Variants in SLC35F6 observed in about 807,000 individuals in gnomAD.
SLC35F6 encodes the protein solute carrier family 35 member F6.
Under a neutral mutation model 29.4 loss-of-function variants are expected in SLC35F6, and 26 were observed. That is an observed-to-expected ratio of 0.89 (90% CI 0.65 to 1.23). The LOEUF (loss-of-function observed/expected upper bound fraction) is 1.23. Among genes scored for constraint, SLC35F6 ranks in the 50% most tolerant of loss-of-function variants. The pLI is 0.00. For synonymous variants in SLC35F6, 174 were observed against 206.6 expected (o/e 0.84, Z 1.35); for missense variants, 428 against 487.8 (o/e 0.88, Z 1.15).
rs1008959379 is a variant in SLC35F6, at chr2:26,779,598, G to A, written c.*1087G>A. Reference sequence around the variant, plus strand: ...CGCTGGAGTGCAGTGGTGTGATCTCGGCTCACTGCAACCTCCCGCTCCCAG... The same window carrying A: ...CGCTGGAGTGCAGTGGTGTGATCTCAGCTCACTGCAACCTCCCGCTCCCAG... On this transcript the variant is annotated 3_prime_UTR_variant, in exon 6 of 6. Coordinates refer to ENST00000344420, the MANE Select transcript of SLC35F6 (RefSeq NM_017877.4). 4.0e-5 allele frequency: 6 copies of A among 151,378 alleles called. No individual in the cohort carries two copies. The highest frequency in any genetic ancestry group is 1.2e-4 in the African/African-American group (5 of 41,102). 9.4% of individuals were successfully genotyped at this position (151,378 alleles called of 1,614,324 possible).
chr2:26,775,319 T>G lies in SLC35F6; in HGVS notation c.322+104T>G. ...ACCCACCTCCACTTCATCCCACCAT[T>G]CCCCCAGACTTCACACGCACAGGCA... On this transcript the variant is annotated intron_variant, in intron 3 of 5. Coordinates refer to ENST00000344420, the MANE Select transcript of SLC35F6 (RefSeq NM_017877.4). This position sits in a 1 kb window ranked among gnomAD's most constrained non-coding sequence, Gnocchi z 4.6. The G allele has an allele frequency of 1.3e-6, 2 of 1,527,374 alleles. No homozygotes were observed. The highest frequency in any genetic ancestry group is 2.5e-5 in the South Asian group (2 of 78,952). The allele number at this position is 1,527,374 out of a possible 1,614,324, so 94.6% of individuals were successfully genotyped here.
intron 1 of SLC35F6, among the ~76,000 whole-genome samples, chr2:26,770,784 A>G (rs1418851315): frequency 1.3e-5 from 2 of 152,194 alleles, no homozygotes; most frequent in Non-Finnish European, 2.9e-5. Context: ...CTGACAGCAA[A>G]GTGCTGCCCA....
Position 26,766,022 on chromosome 2 carries a change from C to T in SLC35F6, c.77+1596C>T, listed in dbSNP as rs921786238. The stretch of plus-strand genomic sequence containing the variant: ...CCTCCTTCCTTAGAAAACTCCAAAC[C>T]AGTCAGGTAGGAAGCTTAGAGATCC... On this transcript the variant is annotated intron_variant, in intron 1 of 5. Transcript: ENST00000344420. Among the ~76,000 whole-genome samples, 143 of 152,328 alleles carry T rather than the reference C, an allele frequency of 9.4e-4. 2 individuals carry two copies. The highest frequency in any genetic ancestry group is 1.3e-3 in the East Asian group (7 of 5,190).
chr2:26,774,207 G>A, intron 1 of SLC35F6, 44 bp from the exon 2 acceptor site: 2 of 1,609,636 alleles, frequency 1.2e-6, no homozygotes, highest in Non-Finnish European at 1.7e-6. Flanking sequence ...CTAGCACCAG[G>A]GTAGGATGCT....
At position 26,775,685 on chromosome 2, in the gene SLC35F6, A is replaced by T; in HGVS notation, c.535+9A>T. The T allele has an allele frequency of 6.4e-7, 1 of 1,558,584 alleles. No homozygotes were observed. The highest frequency in any genetic ancestry group is 1.2e-5 in the South Asian group (1 of 85,210). On this transcript the variant is annotated intron_variant, in intron 4 of 5. Transcript: ENST00000344420. The surrounding 1 kb of genome is among the most constrained non-coding windows in gnomAD (Gnocchi z 4.6). ...CAGCGAAGTGATCACAGGTGCGGCC[A>T]GGGGCAGGGACACGGGGCTGCCCTA...
chr2:26,773,503 GAAAA>G (rs70953813), intron 1 of SLC35F6, among the ~76,000 whole-genome samples: 1 of 106,976 alleles, frequency 9.3e-6, no homozygotes, highest in Non-Finnish European at 2.0e-5. Flanking sequence ...ACTCCATTAA[GAAAA>G]AAAAAAAAAA....
rs954070070 is a variant in SLC35F6, at chr2:26,765,124, C to T, written c.77+698C>T. 4 of 519,078 alleles carry T rather than the reference C, an allele frequency of 7.7e-6. No individual in the cohort carries two copies. In the African/African-American group the frequency reaches 8.3e-5, roughly 11 times the overall value. 32.2% of individuals were successfully genotyped at this position (519,078 alleles called of 1,614,324 possible). Reference sequence around the variant, plus strand: ...AGGAAAAACCACTCCAAGGCTGCTGCATAGCAGATGAGGGGAACTAGGAGG... The same window carrying T: ...AGGAAAAACCACTCCAAGGCTGCTGTATAGCAGATGAGGGGAACTAGGAGG... On this transcript the variant is annotated intron_variant, in intron 1 of 5. Coordinates refer to ENST00000344420, the MANE Select transcript of SLC35F6 (RefSeq NM_017877.4).
intron 2 of SLC35F6, among the ~76,000 whole-genome samples, chr2:26,774,666 G>A (rs184346549): frequency 1.3e-5 from 2 of 152,356 alleles, no homozygotes; most frequent in Admixed American, 1.3e-4. Flanking sequence ...GGAAGACACT[G>A]TTCGTTGAAC....
At position 26,775,008 on chromosome 2, in the gene SLC35F6, T is replaced by G; in HGVS notation, c.151-36T>G. ...GTTAAAGATGATCCCCGAGATCCCT[T>G]CCAGCTCTGAAGTCCTCGGGTTTTC... On this transcript the variant is annotated intron_variant, in intron 2 of 5. Transcript: ENST00000344420. The surrounding 1 kb of genome is among the most constrained non-coding windows in gnomAD (Gnocchi z 4.6). The G allele has an allele frequency of 6.3e-7, 1 of 1,581,286 alleles. No homozygotes were observed. The highest frequency in any genetic ancestry group is 8.6e-7 in the Non-Finnish European group (1 of 1,162,502).
Position 26,776,374 on chromosome 2 carries a change from G to A in SLC35F6, c.538G>A (p.Asp180Asn). ...TCTGGGTCCCTCCTTCCCCACAGGGGACCTGTTGATCATCATGGCCCAGAT... is the reference window on the plus strand; with the variant it reads ...TCTGGGTCCCTCCTTCCCCACAGGGAACCTGTTGATCATCATGGCCCAGAT... ...QHKLSEVITG[D>N]LLIIMAQIIV... The change falls in exon 5 of 6, where the codon GAC becomes AAC. Residue 180 changes from aspartate (D) to asparagine (N), a missense_variant and splice_region_variant. Physicochemically the swap from Asp to Asn is conservative, Grantham distance 23 (BLOSUM62 1). Coordinates refer to ENST00000344420, the MANE Select transcript of SLC35F6 (RefSeq NM_017877.4). 6.2e-7 allele frequency: 1 copy of A among 1,614,200 alleles called. No homozygotes were observed. The highest frequency in any genetic ancestry group is 8.5e-7 in the Non-Finnish European group (1 of 1,180,012).
chr2:26,764,688 T>C, intron 1 of SLC35F6: 6 of 681,212 alleles, frequency 8.8e-6, no homozygotes, highest in Non-Finnish European at 1.1e-5. Context: ...AACAGGAGGG[T>C]TGGCCGATTC....
rs575425178 is a variant in SLC35F6, at chr2:26,772,067, C to T, written c.78-2184C>T. 1.6e-4 allele frequency among the ~76,000 whole-genome samples: 24 copies of T among 152,352 alleles called. No homozygotes were observed. In the Middle Eastern group the frequency reaches 0.01, roughly 65 times the overall value. ...GAACCACAAGGAATCTTAACTACCCCTCTTTCTCCACATCTCCAGGAGCTG... is the reference window on the plus strand; with the variant it reads ...GAACCACAAGGAATCTTAACTACCCTTCTTTCTCCACATCTCCAGGAGCTG... On this transcript the variant is annotated intron_variant, in intron 1 of 5. Coordinates refer to ENST00000344420, the MANE Select transcript of SLC35F6 (RefSeq NM_017877.4).
At chr2:26,765,080 A>G (rs1209933671) in intron 1 of SLC35F6, 1 of 921,988 alleles carries the variant, frequency 1.1e-6, no homozygotes, top group Admixed American at 6.2e-5. Context: ...ACTCAATGAC[A>G]TGAGGAGTGG....
At chr2:26,772,015 A>G (rs1026487353) in intron 1 of SLC35F6, among the ~76,000 whole-genome samples, 2 of 151,756 alleles carry the variant, frequency 1.3e-5, no homozygotes, top group African/African-American at 4.8e-5. Context: ...TCTCCCTTCA[A>G]CTCTCCTTTG....
In SLC35F6 at chr2:26,778,921, C is replaced by T. The variant is rs112024298; in HGVS notation, c.*410C>T. On this transcript the variant is annotated 3_prime_UTR_variant, in exon 6 of 6. Coordinates refer to ENST00000344420, the MANE Select transcript of SLC35F6 (RefSeq NM_017877.4). The stretch of plus-strand genomic sequence containing the variant: ...GAAAAGTCAGTGAGCAAATTTAAAC[C>T]AGAACTAAGCATTATATTTTCTTTT... 7.4e-5 allele frequency: 13 copies of T among 175,742 alleles called. 1 individual carries two copies. Among genetic ancestry groups the T allele is most frequent in the African/African-American group, 3.1e-4 (13 of 42,378 alleles). 10.9% of individuals were successfully genotyped at this position (175,742 alleles called of 1,614,324 possible).
At position 26,777,644 on chromosome 2, in the gene SLC35F6, G is replaced by A. The variant is rs564728701; in HGVS notation, c.647-398G>A. 2.6e-5 allele frequency among the ~76,000 whole-genome samples: 4 copies of A among 152,276 alleles called. No homozygotes were observed. The East Asian group carries it at 7.7e-4, about 29-fold the overall frequency. On this transcript the variant is annotated intron_variant, in intron 5 of 5. Coordinates refer to ENST00000344420, the MANE Select transcript of SLC35F6 (RefSeq NM_017877.4). ...GAAAGCTGTGTTTTTCCAAACTTGT[G>A]AAAATAATGTAGTCAGTTGCAGCTG...
intron 5 of SLC35F6, among the ~76,000 whole-genome samples, chr2:26,777,209 A>T (rs935908861): frequency 6.6e-6 from 1 of 152,166 alleles, no homozygotes; most frequent in East Asian, 1.9e-4. Flanking sequence ...AAAAAATAAT[A>T]ATTTGAGTGC....
intron 1 of SLC35F6, among the ~76,000 whole-genome samples, chr2:26,771,433 C>T (rs546824094): frequency 2.6e-5 from 4 of 152,370 alleles, no homozygotes; most frequent in African/African-American, 7.2e-5. Context: ...CCTGGGGATT[C>T]CCATCTCTCT....
chr2:26,778,472 G>A lies in SLC35F6; in HGVS notation c.1077G>A (p.Leu359=), dbSNP rs1239319011. 2.5e-6 allele frequency: 4 copies of A among 1,612,218 alleles called. No individual in the cohort carries two copies. In the African/African-American group the frequency reaches 5.3e-5, roughly 22 times the overall value. Residue 359 remains leucine (L), a synonymous_variant, in exon 6 of 6, where the codon CTG becomes CTA. Coordinates refer to ENST00000344420, the MANE Select transcript of SLC35F6 (RefSeq NM_017877.4). The part of the protein sequence containing the change: ...PLAEESEQER[L]LGGTRTPIND... ...CAGAGGAGAGCGAGCAGGAGAGACTGCTGGGTGGCACCCGCACTCCCATCA... is the reference window on the plus strand; with the variant it reads ...CAGAGGAGAGCGAGCAGGAGAGACTACTGGGTGGCACCCGCACTCCCATCA...
Sources: gnomAD v4.1 joint callset for allele counts (sites outside exome capture counted in the v4.1 genomes callset) on GRCh38, gnomAD v4.1.1 for gene constraint, Gnocchi (gnomAD v3.1) non-coding constraint, MANE v1.5 for transcripts, NCBI Gene and HGNC (gene_info 2026-07-23, HGNC 2026-07-21) for gene names.